The following SDK1 variants were observed in gnomAD, a reference collection of about 807,000 sequenced individuals.
SDK1 encodes protein sidekick-1.
In SDK1, 157 loss-of-function variants were observed where a neutral mutation model predicts 245.5. That is an observed-to-expected ratio of 0.64 (90% CI 0.56 to 0.73). The LOEUF (loss-of-function observed/expected upper bound fraction) is 0.73. SDK1 is among the 30% of genes least tolerant of loss of function. SDK1 has a pLI of 0.00. For synonymous variants in SDK1, 1,647 were observed against 1,278.5 expected, an observed-to-expected ratio of 1.29 and a Z score of -6.15; for missense variants, 3,583 against 3,002.3, an observed-to-expected ratio of 1.19 and a Z score of -4.52.
chr7:3,759,100 C>T (rs767733455), intron 4 of SDK1, among the ~76,000 whole-genome samples: 1 of 152,062 alleles, frequency 6.6e-6, no homozygotes, highest in Non-Finnish European at 1.5e-5. Context: ...GTGTATCCTG[C>T]GAGAAACAAA....
intron 1 of SDK1, among the ~76,000 whole-genome samples, chr7:3,408,756 T>C (rs1779118361): frequency 6.6e-6 from 1 of 152,232 alleles, no homozygotes; most frequent in Non-Finnish European, 1.5e-5. Context: ...TTTTCTTCAA[T>C]ATGCAGTTTG....
intron 19 of SDK1, among the ~76,000 whole-genome samples, chr7:4,052,214 C>T (rs533496636): frequency 1.4e-5 from 2 of 142,658 alleles, no homozygotes; most frequent in Non-Finnish European, 3.1e-5. Context: ...CTGACCCTCG[C>T]TCCCAGGGTC....
Position 4,266,457 on chromosome 7 carries a change from C to T in SDK1, c.*1073C>T, listed in dbSNP as rs568896685. 50 of 985,412 alleles carry T rather than the reference C, an allele frequency of 5.1e-5. No individual in the cohort carries two copies. Among genetic ancestry groups the T allele is most frequent in the Middle Eastern group, 5.2e-4 (1 of 1,914 alleles). 61.0% of individuals were successfully genotyped at this position (985,412 alleles called of 1,614,324 possible). A position where few individuals can be genotyped will look rare whatever the true frequency, so the allele number is the denominator to read the frequency against. ...CACCAGGCCGTCCCCTCCCTCTGTC[C>T]TGGCTTCTGCTGGCTGCTCGCAGCA... On this transcript the variant is annotated 3_prime_UTR_variant, in exon 45 of 45. Transcript: ENST00000404826.
At chr7:4,129,827 C>G in intron 26 of SDK1, 81 bp from the exon 27 acceptor site, 1 of 1,578,440 alleles carries the variant, frequency 6.3e-7, no homozygotes, top group Non-Finnish European at 8.6e-7. Flanking sequence ...CCTTGATTCA[C>G]GAAGGGGGCC....
At chr7:4,223,519 T>A (rs1258777544) in intron 40 of SDK1, among the ~76,000 whole-genome samples, 1 of 152,194 alleles carries the variant, frequency 6.6e-6, no homozygotes, top group Non-Finnish European at 1.5e-5. Flanking sequence ...TCCTGGGTGA[T>A]CTGGGGCTGA....
intron 5 of SDK1, among the ~76,000 whole-genome samples, chr7:3,899,136 A>C (rs956653260): frequency 2.0e-5 from 3 of 152,202 alleles, no homozygotes; most frequent in African/African-American, 7.2e-5. Flanking sequence ...TAAGTGAAAC[A>C]ATGTGTGAGA....
intron 1 of SDK1, among the ~76,000 whole-genome samples, chr7:3,397,606 T>C (rs555101125): frequency 1.3e-5 from 2 of 152,142 alleles, no homozygotes; most frequent in South Asian, 2.1e-4. Flanking sequence ...TCTGTTGTTT[T>C]ACAGATTCTG....
At chr7:3,705,994 C>T (rs1402968689) in intron 4 of SDK1, among the ~76,000 whole-genome samples, 1 of 152,030 alleles carries the variant, frequency 6.6e-6, no homozygotes, top group Non-Finnish European at 1.5e-5. Context: ...TAGATTTTAT[C>T]GAATGTCTTT....
intron 44 of SDK1, among the ~76,000 whole-genome samples, chr7:4,257,717 T>C (rs890819049): frequency 6.6e-6 from 1 of 152,250 alleles, no homozygotes; most frequent in Non-Finnish European, 1.5e-5. Flanking sequence ...GGTTATGTTC[T>C]GTCCGATTAG....
chr7:3,588,063 A>G lies in SDK1; in HGVS notation c.299-31017A>G, dbSNP rs1780748040. 3.3e-5 allele frequency among the ~76,000 whole-genome samples: 5 copies of G among 152,228 alleles called. 1 individual carries two copies. The South Asian group carries it at 1.0e-3, about 31-fold the overall frequency. On this transcript the variant is annotated intron_variant, in intron 1 of 44. Coordinates refer to ENST00000404826, the MANE Select transcript of SDK1 (RefSeq NM_152744.4). Reference sequence around the variant, plus strand: ...TGTAGTAGGGATGTTCAGCATTTCAAGGAATCCTAGGTCAATCTTTGGTGG... The same window carrying G: ...TGTAGTAGGGATGTTCAGCATTTCAGGGAATCCTAGGTCAATCTTTGGTGG...
chr7:3,682,488 C>T (rs1217315533), intron 4 of SDK1, among the ~76,000 whole-genome samples: 1 of 152,290 alleles, frequency 6.6e-6, no homozygotes, highest in Non-Finnish European at 1.5e-5. Flanking sequence ...CACGGAGGCG[C>T]TCGTATGCAC....
At chr7:3,702,847 A>G (rs1200571905) in intron 4 of SDK1, among the ~76,000 whole-genome samples, 1 of 152,212 alleles carries the variant, frequency 6.6e-6, no homozygotes, top group Non-Finnish European at 1.5e-5. Flanking sequence ...AAAACATGAA[A>G]AAGACATTCA....
At chr7:3,562,231 T>C (rs1239954352) in intron 1 of SDK1, among the ~76,000 whole-genome samples, 2 of 152,376 alleles carry the variant, frequency 1.3e-5, no homozygotes, top group South Asian at 2.1e-4. Context: ...GACCGTATTC[T>C]ACCGTTTCCA....
intron 31 of SDK1, among the ~76,000 whole-genome samples, chr7:4,158,847 C>T (rs1343265294): frequency 2.6e-5 from 4 of 152,146 alleles, no homozygotes; most frequent in African/African-American, 4.8e-5. Context: ...TAAATGTCAG[C>T]GGGTAGCTGG....
intron 42 of SDK1, 148 bp downstream of exon 42, chr7:4,237,932 C>T (rs1262709729): frequency 6.1e-6 from 6 of 984,614 alleles, no homozygotes; most frequent in Non-Finnish European, 8.9e-6. Flanking sequence ...GGTTTTCTTT[C>T]TGGGGGCAGC....
chr7:3,840,595 A>G (rs1190429111), intron 5 of SDK1, among the ~76,000 whole-genome samples: 1 of 152,216 alleles, frequency 6.6e-6, no homozygotes, highest in Non-Finnish European at 1.5e-5. Context: ...CAAGATATTT[A>G]GGTGATTCAT....
rs76440515 is a variant in SDK1 at position 3,782,065 on chromosome 7, G to C, written c.714-39385G>C. On this transcript the variant is annotated intron_variant, in intron 4 of 44. Transcript: ENST00000404826. ...GCCAATACCCATGTTTTAGGCTGTTGTTGCATTGCTGTAAAGGAATACCCA... is the reference window on the plus strand; with the variant it reads ...GCCAATACCCATGTTTTAGGCTGTTCTTGCATTGCTGTAAAGGAATACCCA... Among the ~76,000 whole-genome samples the C allele has an allele frequency of 5.5e-3, 838 of 152,296 alleles. 9 individuals are homozygous for C. Among genetic ancestry groups the C allele is most frequent in the African/African-American group, 0.019 (805 of 41,552 alleles).
chr7:3,726,678 A>C (rs1270934713), intron 4 of SDK1, among the ~76,000 whole-genome samples: 1 of 152,220 alleles, frequency 6.6e-6, no homozygotes, highest in Non-Finnish European at 1.5e-5. Flanking sequence ...GGTAGTGGGA[A>C]CATCAACCAC....
At chr7:3,978,077 TCAGA>T (rs1212887160) in intron 13 of SDK1, among the ~76,000 whole-genome samples, 1 of 151,896 alleles carries the variant, frequency 6.6e-6, no homozygotes, top group African/African-American at 2.4e-5. Context: ...CTTTCGGGTC[TCAGA>T]CAGAGGATTT....
Sources: gnomAD v4.1 joint callset for allele counts (sites outside exome capture counted in the v4.1 genomes callset) on GRCh38, gnomAD v4.1.1 for gene constraint, MANE v1.5 for transcripts, NCBI Gene and HGNC (gene_info 2026-07-23, HGNC 2026-07-21) for gene names.